Variants in USP20 observed in about 807,000 individuals in gnomAD.
The protein encoded by USP20 is ubiquitin specific peptidase 20.
In USP20, 80 loss-of-function variants were observed where a neutral mutation model predicts 124.2. That is an observed-to-expected ratio of 0.64 (90% confidence interval 0.54 to 0.78). The LOEUF (loss-of-function observed/expected upper bound fraction) is 0.78. USP20 is among the 30% of genes least tolerant of loss of function. The pLI is 0.00. For missense variants in USP20, 1,043 were observed against 1,244.4 expected (o/e 0.84, Z 2.44); for synonymous variants, 481 against 512.3 (o/e 0.94, Z 0.83).
At chr9:129,875,738 A>C (rs1241313825) in intron 21 of USP20, 97 bp downstream of exon 21, 1 of 1,219,768 alleles carries the variant, frequency 8.2e-7, no homozygotes, top group African/African-American at 1.5e-5. Context: ...CCAGGACCCC[A>C]CACCACACTC....
chr9:129,864,612 A>G (rs976059608), intron 9 of USP20, among the ~76,000 whole-genome samples: 5 of 151,914 alleles, frequency 3.3e-5, no homozygotes, highest in Admixed American at 6.6e-5. Flanking sequence ...CGTCTCTACT[A>G]AAAATACAAA....
Position 129,842,091 on chromosome 9 carries a change from G to A in USP20, c.-129+6592G>A, listed in dbSNP as rs187309839. Among the ~76,000 whole-genome samples, 129 of 152,260 alleles carry A rather than the reference G, an allele frequency of 8.5e-4. 1 individual carries two copies. Among genetic ancestry groups the A allele is most frequent in the African/African-American group, 3.0e-3 (126 of 41,530 alleles). On this transcript the variant is annotated intron_variant, in intron 1 of 25. Transcript: ENST00000372429. ...ACCCAGAAAGTCCATGAGGCCCTAA[G>A]TCATTCAACTTAGCGTTTACTGTGC...
intron 1 of USP20, among the ~76,000 whole-genome samples, chr9:129,841,013 C>T (rs13296916): frequency 2.6e-5 from 4 of 152,028 alleles, no homozygotes; most frequent in Admixed American, 6.5e-5. Flanking sequence ...TCTGGTGATC[C>T]GCCAGCCTCA....
rs917837992 is a variant in USP20, at chr9:129,839,149, G to A, written c.-129+3650G>A. Among the ~76,000 whole-genome samples the A allele has an allele frequency of 4.6e-5, 7 of 152,122 alleles. No individual in the cohort carries two copies. The highest frequency in any genetic ancestry group is 2.1e-4 in the South Asian group (1 of 4,826). On this transcript the variant is annotated intron_variant, in intron 1 of 25. Coordinates refer to ENST00000372429, the MANE Select transcript of USP20 (RefSeq NM_001110303.4). The surrounding 1 kb of genome is among the most constrained non-coding windows in gnomAD (Gnocchi z 4.5). ...CTTCAGGGCAGGTAGTCGTGGGTTC[G>A]AATTTTGGTTCTGCAGCTCAGTAGC...
At chr9:129,853,930 A>G (rs10819567) in intron 3 of USP20, among the ~76,000 whole-genome samples, 95,201 of 151,924 alleles carry the variant, frequency 0.63, 30,099 homozygotes, top group East Asian at 0.8. Flanking sequence ...CAGAGATCAC[A>G]ACTTCAGCTC....
At position 129,872,447 on chromosome 9, in the gene USP20, C is replaced by T. The variant is rs139547761; in HGVS notation, c.1661-1035C>T. Among the ~76,000 whole-genome samples, 6 of 152,304 alleles carry T rather than the reference C, an allele frequency of 3.9e-5. No homozygotes were observed. In the East Asian group the frequency reaches 5.8e-4, roughly 15 times the overall value. The stretch of plus-strand genomic sequence containing the variant: ...GGATTACAGGTGTGAGCCACGGTGC[C>T]GGCCTCGTTAGTTAGAGGAGTTCTT... On this transcript the variant is annotated intron_variant, in intron 15 of 25. Coordinates refer to ENST00000372429, the MANE Select transcript of USP20 (RefSeq NM_001110303.4).
At chr9:129,856,794 C>T (rs1485252985) in intron 4 of USP20, among the ~76,000 whole-genome samples, 1 of 152,188 alleles carries the variant, frequency 6.6e-6, no homozygotes, top group African/African-American at 2.4e-5. Flanking sequence ...TGACAACCGT[C>T]CCCGCCTCAT....
intron 1 of USP20, among the ~76,000 whole-genome samples, chr9:129,847,667 G>A (rs933948912): frequency 3.3e-5 from 5 of 151,924 alleles, no homozygotes; most frequent in Non-Finnish European, 7.4e-5. Context: ...TAAAATGCAC[G>A]CACTTTAAAG....
chr9:129,870,347 A>G, intron 14 of USP20, 106 bp from the exon 15 acceptor site: 2 of 1,251,494 alleles, frequency 1.6e-6, no homozygotes, highest in Non-Finnish European at 2.3e-6. Context: ...CTGGGCCTTC[A>G]GGGTCCTTCT....
In USP20 at chr9:129,868,443, A is replaced by G. The variant is rs765385557; in HGVS notation, c.1129A>G (p.Thr377Ala). The change falls in exon 11 of 26, where the codon ACG (threonine) becomes GCG (alanine). Residue 377 changes from threonine (T) to alanine (A), a missense_variant. Transcript: ENST00000372429. ...ACCACGGTCCTCCAGCCCCTGCCGG[A>G]CGCCAGGTATCAGCTGGCCGGGGAC... ...PSPRSSSPCR[T>A]PEPDNDAHLR... is the part of the protein sequence containing the mutation. 3.4e-5 allele frequency: 54 copies of G among 1,609,730 alleles called. 2 individuals carry two copies. In the South Asian group the frequency reaches 5.4e-4, roughly 16 times the overall value.
At position 129,880,078 on chromosome 9, in the gene USP20, A is replaced by G. The variant is rs748998198; in HGVS notation, c.2585-35A>G. On this transcript the variant is annotated intron_variant, in intron 24 of 25. Transcript: ENST00000372429. ...GGCCGGTGGCTTCCTTGAGGAGGCA[A>G]AGGTGAGCCTAGGGGTGCCTCTCGT... is the stretch of plus-strand genomic sequence containing the variant. 11 of 1,601,592 alleles carry G rather than the reference A, an allele frequency of 6.9e-6. No homozygotes were observed. The South Asian group carries it at 8.8e-5, about 13-fold the overall frequency.
chr9:129,846,416 C>CAT (rs200889260), intron 1 of USP20, among the ~76,000 whole-genome samples: 2 of 150,606 alleles, frequency 1.3e-5, no homozygotes, highest in African/African-American at 4.9e-5. Flanking sequence ...CACCACCATG[C>CAT]CCACCTAATT....
In USP20 at chr9:129,858,114, T is replaced by C. The variant is rs751957752; in HGVS notation, c.198+2T>C. The C allele has an allele frequency of 1.2e-6, 2 of 1,613,472 alleles. No homozygotes were observed. Among genetic ancestry groups the C allele is most frequent in the East Asian group, 4.5e-5 (2 of 44,876 alleles). ...GACCACAGCACCATTCATGCACAGG[T>C]GAGTGTGGTGGCTGAGAGTATGGGC... On this transcript the variant is annotated splice_donor_variant, in intron 5 of 25. Coordinates refer to ENST00000372429, the MANE Select transcript of USP20 (RefSeq NM_001110303.4). LOFTEE classifies it high-confidence loss of function.
chr9:129,876,824 T>G, intron 22 of USP20, among the ~76,000 whole-genome samples: 1 of 152,070 alleles, frequency 6.6e-6, no homozygotes, highest in East Asian at 1.9e-4. Context: ...TGTGTTATTT[T>G]GGGCTGAATT....
At chr9:129,870,963 C>T (rs1283037673) in intron 15 of USP20, among the ~76,000 whole-genome samples, 1 of 151,992 alleles carries the variant, frequency 6.6e-6, no homozygotes, top group Non-Finnish European at 1.5e-5. Context: ...TGGGAAAACT[C>T]TCTCTTTTTT....
intron 1 of USP20, among the ~76,000 whole-genome samples, chr9:129,846,336 G>A (rs1382920177): frequency 7.7e-6 from 1 of 129,506 alleles, no homozygotes; most frequent in Non-Finnish European, 1.6e-5. Context: ...GCTCACTGCA[G>A]CCTCATACTT....
Position 129,879,583 on chromosome 9 carries a change from G to A in USP20, c.2523G>A (p.Gly841=). 6.2e-7 allele frequency: 1 copy of A among 1,613,634 alleles called. No homozygotes were observed. Among genetic ancestry groups the A allele is most frequent in the Non-Finnish European group, 8.5e-7 (1 of 1,179,962 alleles). ...FVKGKDNEPP[G]PIDNSRIAQV... ...CTGTGTCTGTTGCAGAGCCCCCCGG[G>A]CCCATTGACAACAGCAGGATTGCAC... The change falls in exon 24 of 26, where the codon GGG becomes GGA. Residue 841 remains glycine, a synonymous_variant. Transcript: ENST00000372429. This position sits in a 1 kb window ranked among gnomAD's most constrained non-coding sequence, Gnocchi z 4.2.
Position 129,860,932 on chromosome 9 carries a change from C to T in USP20, c.331-5C>T, listed in dbSNP as rs748615076. Reference sequence around the variant, plus strand: ...TGTTTTCCTCACTTTGGGTCTTTAACACAGGACTCCCCGCCACCCTCCCAC... The same window carrying T: ...TGTTTTCCTCACTTTGGGTCTTTAATACAGGACTCCCCGCCACCCTCCCAC... On this transcript the variant is annotated splice_polypyrimidine_tract_variant and splice_region_variant and intron_variant, in intron 6 of 25. Coordinates refer to ENST00000372429, the MANE Select transcript of USP20 (RefSeq NM_001110303.4). 6.2e-7 allele frequency: 1 copy of T among 1,614,002 alleles called. No individual in the cohort carries two copies. Among genetic ancestry groups the T allele is most frequent in the Non-Finnish European group, 8.5e-7 (1 of 1,179,842 alleles).
At chr9:129,843,156 A>G (rs1262481967) in intron 1 of USP20, among the ~76,000 whole-genome samples, 2 of 148,506 alleles carry the variant, frequency 1.3e-5, no homozygotes, top group East Asian at 4.0e-4. Context: ...TAGGCCGGGC[A>G]TGGTGGCGTA....
Sources: gnomAD v4.1 joint callset for allele counts (sites outside exome capture counted in the v4.1 genomes callset) on GRCh38, gnomAD v4.1.1 for gene constraint, Gnocchi (gnomAD v3.1) non-coding constraint, MANE v1.5 for transcripts, NCBI Gene and HGNC (gene_info 2026-07-23, HGNC 2026-07-21) for gene names.